The following DNM3 variants were observed in gnomAD, a reference collection of about 807,000 sequenced individuals.
DNM3 encodes dynamin-3.
A neutral mutation model predicts 101.6 loss-of-function variants in DNM3; 47 were observed. That is an observed-to-expected ratio of 0.46 (90% CI 0.37 to 0.59). The LOEUF (loss-of-function observed/expected upper bound fraction) is 0.59, where lower values mean the gene tolerates loss of function less well. DNM3 is among the 20% of genes least tolerant of loss of function. The pLI is 0.00. For synonymous variants in DNM3, 385 were observed against 387.9 expected, an observed-to-expected ratio of 0.99 and a Z score of 0.09; for missense variants, 849 against 1,085.7, an observed-to-expected ratio of 0.78 and a Z score of 3.06.
intron 14 of DNM3, among the ~76,000 whole-genome samples, chr1:172,143,010 G>C (rs2057670787): frequency 6.6e-6 from 1 of 151,918 alleles, no homozygotes; most frequent in African/African-American, 2.4e-5. Flanking sequence ...AGTGAAAGTA[G>C]CTAAATTTCT....
At chr1:171,914,620 TC>T (rs1360207576) in intron 1 of DNM3, among the ~76,000 whole-genome samples, 1 of 152,202 alleles carries the variant, frequency 6.6e-6, no homozygotes, top group African/African-American at 2.4e-5. Flanking sequence ...TATATTTGGG[TC>T]TTAAATGTTC....
intron 1 of DNM3, among the ~76,000 whole-genome samples, chr1:171,851,227 T>A (rs2124995804): frequency 6.6e-6 from 1 of 152,332 alleles, no homozygotes; most frequent in East Asian, 1.9e-4. Context: ...GCTCAACTAT[T>A]TGCAGCTTCC....
chr1:172,147,027 T>C (rs2057935165), intron 14 of DNM3, among the ~76,000 whole-genome samples: 1 of 152,090 alleles, frequency 6.6e-6, no homozygotes, highest in African/African-American at 2.4e-5. Context: ...GCTATAGAAA[T>C]TGAGTTCCCC....
intron 15 of DNM3, among the ~76,000 whole-genome samples, chr1:172,262,951 A>C (rs927580628): frequency 5.9e-5 from 9 of 152,218 alleles, no homozygotes; most frequent in African/African-American, 2.2e-4. Context: ...TCCAGTGGCA[A>C]AAGTTAGAAA....
chr1:171,969,482 A>G (rs2043831569), intron 2 of DNM3, among the ~76,000 whole-genome samples: 2 of 152,224 alleles, frequency 1.3e-5, no homozygotes, highest in African/African-American at 4.8e-5. Context: ...AGCATCTCCC[A>G]GGTAATCTCT....
intron 2 of DNM3, among the ~76,000 whole-genome samples, chr1:171,986,510 C>A (rs2045267858): frequency 6.6e-6 from 1 of 152,128 alleles, no homozygotes; most frequent in African/African-American, 2.4e-5. Flanking sequence ...AACTAAAGTG[C>A]CCGTGGGAGA....
intron 14 of DNM3, among the ~76,000 whole-genome samples, chr1:172,161,915 C>T (rs184286836): frequency 6.6e-6 from 1 of 152,060 alleles, no homozygotes; most frequent in East Asian, 1.9e-4. Flanking sequence ...CAGTGATTGT[C>T]TTTTTAAAAT....
chr1:172,178,117 T>C (rs919003869), intron 14 of DNM3, among the ~76,000 whole-genome samples: 3 of 151,936 alleles, frequency 2.0e-5, no homozygotes, highest in Admixed American at 6.6e-5. Context: ...ATTGTAACAC[T>C]GTGCTAAGTA....
chr1:171,933,767 G>A lies in DNM3; in HGVS notation c.235+11946G>A, dbSNP rs144608850. ...CATCTGAAAGTGGGGGCCACTGACT[G>A]TAAGTAAAATAAAGGATAGTGTGAT... On this transcript the variant is annotated intron_variant, in intron 2 of 20. Transcript: ENST00000627582. Among the ~76,000 whole-genome samples, 12 of 152,306 alleles carry A rather than the reference G, an allele frequency of 7.9e-5. No individual in the cohort carries two copies. In the South Asian group the frequency reaches 8.3e-4, roughly 11 times the overall value.
rs139299224 is a variant in DNM3, at chr1:172,028,206, G to A, written c.590-4196G>A. 6.0e-3 allele frequency among the ~76,000 whole-genome samples: 908 copies of A among 152,158 alleles called. 1 individual carries two copies. Among genetic ancestry groups the A allele is most frequent in the Non-Finnish European group, 8.3e-3 (566 of 67,968 alleles). On this transcript the variant is annotated intron_variant, in intron 4 of 20. Coordinates refer to ENST00000627582, the MANE Select transcript of DNM3 (RefSeq NM_015569.5). ...CAGCAAATGCAAAAGAATGGAAATC[G>A]TAACTAACAGTCTCTCTGACCACAG...
chr1:172,145,440 C>A (rs771684759), intron 14 of DNM3, among the ~76,000 whole-genome samples: 2 of 149,246 alleles, frequency 1.3e-5, no homozygotes, highest in African/African-American at 2.5e-5. Flanking sequence ...CCCTCCTTCT[C>A]CTGTCTGTTG....
At chr1:172,015,959 TGAGGTCAG>T (rs991265884) in intron 4 of DNM3, among the ~76,000 whole-genome samples, 2 of 151,420 alleles carry the variant, frequency 1.3e-5, no homozygotes, top group Non-Finnish European at 2.9e-5. Flanking sequence ...GTGGATCACC[TGAGGTCAG>T]GAGTTTGAGA....
chr1:171,924,782 G>A (rs143446970), intron 2 of DNM3, among the ~76,000 whole-genome samples: 1 of 152,278 alleles, frequency 6.6e-6, no homozygotes, highest in Admixed American at 6.5e-5. Context: ...ATATCTTATT[G>A]TAGTTTTGAT....
At chr1:171,949,080 G>T (rs140952940) in intron 2 of DNM3, among the ~76,000 whole-genome samples, 4 of 152,156 alleles carry the variant, frequency 2.6e-5, no homozygotes, top group African/African-American at 9.6e-5. Flanking sequence ...TCATTTTCAT[G>T]AGATAAATCA....
rs527922335 is a variant in DNM3 at position 172,354,594 on chromosome 1, G to GT, written c.1894-24416dup. Among the ~76,000 whole-genome samples the GT allele has an allele frequency of 1.8e-3, 275 of 152,014 alleles. 1 individual carries two copies. Among genetic ancestry groups the GT allele is most frequent in the African/African-American group, 5.7e-3 (235 of 41,462 alleles). ...GACATGTAGAGTTTGATTTCTAGTG[G>GT]TTTTTTTTAGACTGGCTATCTTGAC... On this transcript the variant is annotated intron_variant, in intron 17 of 20. Coordinates refer to ENST00000627582, the MANE Select transcript of DNM3 (RefSeq NM_015569.5).
intron 1 of DNM3, among the ~76,000 whole-genome samples, chr1:171,888,060 CTT>C (rs1021409993): frequency 1.5e-5 from 2 of 137,524 alleles, no homozygotes; most frequent in African/African-American, 2.7e-5. Context: ...AAGCTTTCTT[CTT>C]TTTTTTTTTT....
At chr1:172,155,528 G>T (rs1201274048) in intron 14 of DNM3, among the ~76,000 whole-genome samples, 1 of 151,978 alleles carries the variant, frequency 6.6e-6, no homozygotes, top group African/African-American at 2.4e-5. Flanking sequence ...TTTTTAGCTG[G>T]CTACACTTAA....
intron 16 of DNM3, among the ~76,000 whole-genome samples, chr1:172,313,188 C>T (rs1420078314): frequency 1.3e-5 from 2 of 152,118 alleles, no homozygotes; most frequent in South Asian, 2.1e-4. Flanking sequence ...AATTTGATAT[C>T]ATTAAATATG....
chr1:172,134,848 G>C (rs1253194184), intron 14 of DNM3, among the ~76,000 whole-genome samples: 1 of 152,128 alleles, frequency 6.6e-6, no homozygotes, highest in Non-Finnish European at 1.5e-5. Flanking sequence ...GATTGAGCCT[G>C]ATGAATTTAA....
Sources: gnomAD v4.1 joint callset for allele counts (sites outside exome capture counted in the v4.1 genomes callset) on GRCh38, gnomAD v4.1.1 for gene constraint, MANE v1.5 for transcripts, NCBI Gene and HGNC (gene_info 2026-07-23, HGNC 2026-07-21) for gene names.